Variants in CEP63 observed in about 807,000 individuals in gnomAD.
CEP63 encodes centrosomal protein of 63 kDa.
Under a neutral mutation model 89.1 loss-of-function variants are expected in CEP63, and 84 were observed. That is an observed-to-expected ratio of 0.94 (90% CI 0.79 to 1.13). The LOEUF (loss-of-function observed/expected upper bound fraction) is 1.13. Ranked by LOEUF, CEP63 falls within the 50% of genes most tolerant of loss-of-function variation. The pLI is 0.00. For missense variants in CEP63, 838 were observed against 813.3 expected (o/e 1.03, Z -0.37); for synonymous variants, 267 against 272.5 (o/e 0.98, Z 0.20).
the CEP63 span, among the ~76,000 whole-genome samples, chr3:134,615,937 A>G: frequency 1.3e-5 from 2 of 152,140 alleles, no homozygotes; most frequent in Non-Finnish European, 2.9e-5. Flanking sequence ...ATTGGTGACA[A>G]CCAACTCCCT....
At chr3:134,627,810 C>A in the CEP63 span, 4 of 1,612,808 alleles carry the variant, frequency 2.5e-6, no homozygotes, top group African/African-American at 5.3e-5. Context: ...TTTTTATCAC[C>A]TTGTAAACCT....
the CEP63 span, among the ~76,000 whole-genome samples, chr3:134,728,662 G>A: frequency 1.3e-5 from 2 of 152,176 alleles, no homozygotes; most frequent in East Asian, 3.9e-4. Flanking sequence ...GGAGTATACT[G>A]CAGGTGTTAA....
At chr3:134,498,058 T>C (rs575296481) in intron 2 of CEP63, among the ~76,000 whole-genome samples, 3 of 152,348 alleles carry the variant, frequency 2.0e-5, no homozygotes, top group Middle Eastern at 3.4e-3. Context: ...CAGGGCCTTT[T>C]ATGGTTCGGT....
At chr3:134,523,630 G>A (rs896237556) in intron 3 of CEP63, among the ~76,000 whole-genome samples, 16 of 152,156 alleles carry the variant, frequency 1.1e-4, no homozygotes, top group East Asian at 5.8e-4. Flanking sequence ...TCCCAGCACC[G>A]TTTATTGAAT....
intron 6 of CEP63, among the ~76,000 whole-genome samples, chr3:134,537,819 G>A (rs1951073781): frequency 6.6e-6 from 1 of 152,112 alleles, no homozygotes; most frequent in African/African-American, 2.4e-5. Flanking sequence ...CTGCCTATGC[G>A]GACAGATACG....
rs199930556 is a variant in CEP63, at chr3:134,557,376, GTTTTTTTT to G, written c.1468-745_1468-738del. On this transcript the variant is annotated intron_variant, in intron 12 of 14. Coordinates refer to ENST00000675561, the MANE Select transcript of CEP63 (RefSeq NM_001353108.3). ...CTTGACCAGCTTACTTTCATAATTT[GTTTTTTTT>G]TTTTTTTTTTTTTTTTTTTTACAGA... Among the ~76,000 whole-genome samples the G allele has an allele frequency of 2.7e-3, 273 of 101,498 alleles. 6 individuals are homozygous for G. Among genetic ancestry groups the G allele is most frequent in the African/African-American group, 9.9e-3 (202 of 20,322 alleles). 66.6% of individuals were successfully genotyped at this position (101,498 alleles called of 152,430 possible).
the CEP63 span, chr3:134,608,763 G>A: frequency 1.2e-6 from 2 of 1,613,928 alleles, no homozygotes; most frequent in Admixed American, 3.3e-5. Context: ...GGTTTTAGCA[G>A]CTGCCAGTTC....
At chr3:134,578,025 A>T (rs1444681963), downstream of CEP63, among the ~76,000 whole-genome samples, 1 of 152,108 alleles carries the variant, frequency 6.6e-6, no homozygotes, top group East Asian at 1.9e-4. Flanking sequence ...TCTATCATTG[A>T]TGGGCATTTG....
chr3:134,586,353 G>C (rs1958484965), intron 10 of CEP63, among the ~76,000 whole-genome samples: 2 of 151,742 alleles, frequency 1.3e-5, no homozygotes, highest in Non-Finnish European at 2.9e-5. Flanking sequence ...TCCATGTTTA[G>C]TGCTTCCTTC....
At chr3:134,657,168 C>T in the CEP63 span, among the ~76,000 whole-genome samples, 17 of 152,238 alleles carry the variant, frequency 1.1e-4, no homozygotes, top group East Asian at 1.7e-3. Context: ...TCTTACATGG[C>T]GGCAGCGAAA....
the CEP63 span, among the ~76,000 whole-genome samples, chr3:134,692,731 A>G: frequency 1.1e-4 from 16 of 152,234 alleles, no homozygotes; most frequent in African/African-American, 3.9e-4. Flanking sequence ...CCCCCTTCAC[A>G]CAGACGTGTG....
At chr3:134,495,153 T>A in intron 1 of CEP63, 143 bp from the exon 2 acceptor site, 1 of 666,132 alleles carries the variant, frequency 1.5e-6, no homozygotes. Context: ...GTGATGTTCT[T>A]TGACTGCTTC....
Position 134,539,252 on chromosome 3 carries a change from A to G in CEP63, c.555+1984A>G, listed in dbSNP as rs1357193571. On this transcript the variant is annotated intron_variant, in intron 6 of 14. Transcript: ENST00000675561. ...CTTTATTTTAATTATGGTAAAATAC[A>G]CATAAAATGTTCCACCTTAACCATT... Among the ~76,000 whole-genome samples, 7 of 152,324 alleles carry G rather than the reference A, an allele frequency of 4.6e-5. No homozygotes were observed. In the South Asian group the frequency reaches 1.5e-3, roughly 32 times the overall value.
rs373317087 is a variant in CEP63 at position 134,532,912 on chromosome 3, G to C, written c.441+12G>C. 4 of 1,612,990 alleles carry C rather than the reference G, an allele frequency of 2.5e-6. No individual in the cohort carries two copies. Among genetic ancestry groups the C allele is most frequent in the Non-Finnish European group, 3.4e-6 (4 of 1,179,356 alleles). On this transcript the variant is annotated intron_variant, in intron 5 of 14. Coordinates refer to ENST00000675561, the MANE Select transcript of CEP63 (RefSeq NM_001353108.3). ...CTGCAAAAATAGAGGTATGTTCATA[G>C]TAATAATTTGTTCATAGTGATTGTC...
intron 5 of CEP63, 61 bp from the exon 6 acceptor site, chr3:134,537,094 T>C: frequency 9.9e-7 from 1 of 1,010,168 alleles, no homozygotes; most frequent in South Asian, 1.3e-5. Flanking sequence ...AAAGGGAGTC[T>C]GGGAAGTAGT....
At chr3:134,681,510 G>T in the CEP63 span, among the ~76,000 whole-genome samples, 1 of 152,204 alleles carries the variant, frequency 6.6e-6, no homozygotes, top group Non-Finnish European at 1.5e-5. Context: ...GCTGTGATTG[G>T]TAGTAAAATA....
the CEP63 span, among the ~76,000 whole-genome samples, chr3:134,653,090 T>C: frequency 5.2e-4 from 79 of 152,250 alleles, no homozygotes; most frequent in African/African-American, 1.9e-3. Flanking sequence ...TCTGGGGAAA[T>C]GGTGTGGAGG....
Position 134,561,432 on chromosome 3 carries a change from A to G in CEP63, c.2009A>G (p.Glu670Gly), listed in dbSNP as rs1957329937. The G allele has an allele frequency of 2.5e-6, 4 of 1,613,872 alleles. No individual in the cohort carries two copies. The highest frequency in any genetic ancestry group is 1.3e-5 in the African/African-American group (1 of 74,902). Residue 670 changes from glutamate (E) to glycine (G), a missense_variant, in exon 15 of 15, where the codon GAG (glutamate) becomes GGG (glycine). Glu to Gly is a moderately conservative substitution (Grantham distance 98). Transcript: ENST00000675561. ...GSIATRFLEE[E>G]ELRSHHILER... ...ATAGCTACCAGATTTTTGGAAGAGGAGGAACTGAGGTCTCATCACATTCTA... is the reference window on the plus strand; with the variant it reads ...ATAGCTACCAGATTTTTGGAAGAGGGGGAACTGAGGTCTCATCACATTCTA...
In CEP63 at chr3:134,547,330, C is replaced by T. The variant is rs755239054; in HGVS notation, c.930-5C>T. ...CGTTAACAATCATCCTATGTCTTTC[C>T]ATAGGCCACGGGAAGAATCTCTGGC... On this transcript the variant is annotated splice_region_variant and splice_polypyrimidine_tract_variant and intron_variant, in intron 8 of 14. Coordinates refer to ENST00000675561, the MANE Select transcript of CEP63 (RefSeq NM_001353108.3). 1 of 1,613,148 alleles carries T rather than the reference C, an allele frequency of 6.2e-7. No homozygotes were observed. The highest frequency in any genetic ancestry group is 1.1e-5 in the South Asian group (1 of 91,052).
Sources: gnomAD v4.1 joint callset for allele counts (sites outside exome capture counted in the v4.1 genomes callset) on GRCh38, gnomAD v4.1.1 for gene constraint, MANE v1.5 for transcripts, NCBI Gene and HGNC (gene_info 2026-07-23, HGNC 2026-07-21) for gene names.